The following KIAA1671 variants were observed in gnomAD, a reference collection of about 807,000 sequenced individuals.
The protein encoded by KIAA1671 is KIAA1671, also known as uncharacterized protein KIAA1671.
Under a neutral mutation model 131.2 loss-of-function variants are expected in KIAA1671, and 52 were observed. That is an observed-to-expected ratio of 0.40 (90% CI 0.32 to 0.50). KIAA1671 has a LOEUF of 0.50. Ranked by LOEUF, KIAA1671 falls within the 20% of genes least tolerant of loss-of-function variation. KIAA1671 has a pLI of 0.73. For synonymous variants in KIAA1671, 1,003 were observed against 961.6 expected, an observed-to-expected ratio of 1.04 and a Z score of -0.80; for missense variants, 2,360 against 2,364.2, an observed-to-expected ratio of 1.00 and a Z score of 0.04.
intron 6 of KIAA1671, among the ~76,000 whole-genome samples, chr22:25,116,438 T>C (rs1472751278): frequency 2.7e-5 from 4 of 146,098 alleles, no homozygotes; most frequent in African/African-American, 1.1e-4. Context: ...TATGTACGTA[T>C]TGAGATGGAG....
intron 9 of KIAA1671, chr22:25,179,240 A>T: frequency 6.8e-7 from 1 of 1,470,364 alleles, no homozygotes; most frequent in Non-Finnish European, 9.3e-7. Flanking sequence ...ATCTAGACAG[A>T]GGTGAACGAA....
At chr22:24,988,839 T>C (rs1468954844) in intron 1 of KIAA1671, among the ~76,000 whole-genome samples, 1 of 152,070 alleles carries the variant, frequency 6.6e-6, no homozygotes, top group African/African-American at 2.4e-5. Context: ...AGGGAGCTAC[T>C]GAACACCAGG....
intron 6 of KIAA1671, among the ~76,000 whole-genome samples, chr22:25,065,657 T>C (rs1247583468): frequency 1.3e-5 from 2 of 151,698 alleles, no homozygotes; most frequent in Non-Finnish European, 2.9e-5. Context: ...ATTTTTTTTT[T>C]TTTGAGACAG....
At chr22:24,982,316 T>C (rs1251142498) in intron 1 of KIAA1671, among the ~76,000 whole-genome samples, 1 of 152,196 alleles carries the variant, frequency 6.6e-6, no homozygotes, top group African/African-American at 2.4e-5. Flanking sequence ...CACTGCAGGT[T>C]TTTGGGCTAG....
chr22:25,139,353 G>A (rs1018815577), intron 6 of KIAA1671, among the ~76,000 whole-genome samples: 1 of 152,208 alleles, frequency 6.6e-6, no homozygotes, highest in Non-Finnish European at 1.5e-5. Flanking sequence ...TTACAGAGGA[G>A]GCCTCAGGAA....
chr22:25,126,141 T>G (rs968238157), intron 6 of KIAA1671, among the ~76,000 whole-genome samples: 1 of 152,202 alleles, frequency 6.6e-6, no homozygotes, highest in African/African-American at 2.4e-5. Flanking sequence ...TTGGAAGTAC[T>G]CTTCACGGTC....
At chr22:25,172,229 C>T (rs79230249) in intron 7 of KIAA1671, among the ~76,000 whole-genome samples, 1 of 152,278 alleles carries the variant, frequency 6.6e-6, no homozygotes, top group African/African-American at 2.4e-5. Context: ...TCGGGGTCTC[C>T]ATTCCCCAGT....
At chr22:25,000,184 G>GTTTTTTT (rs1184771280) in intron 1 of KIAA1671, among the ~76,000 whole-genome samples, 1 of 62,158 alleles carries the variant, frequency 1.6e-5, no homozygotes, top group Non-Finnish European at 2.7e-5. Flanking sequence ...CTCCTCGCCT[G>GTTTTTTT]TTTTTTTTTT....
At chr22:25,046,697 A>G (rs894814243) in intron 5 of KIAA1671, among the ~76,000 whole-genome samples, 90 of 152,160 alleles carry the variant, frequency 5.9e-4, no homozygotes, top group African/African-American at 2.1e-3. Flanking sequence ...ATACAAGCAC[A>G]TAGAAATACA....
intron 1 of KIAA1671, among the ~76,000 whole-genome samples, chr22:25,020,022 C>T (rs2123889566): frequency 6.6e-6 from 1 of 152,234 alleles, no homozygotes; most frequent in South Asian, 2.1e-4. Flanking sequence ...CATCTTTGTG[C>T]ATATAACTTT....
At chr22:25,075,587 G>T (rs1322471267) in intron 6 of KIAA1671, among the ~76,000 whole-genome samples, 1 of 151,672 alleles carries the variant, frequency 6.6e-6, no homozygotes, top group Non-Finnish European at 1.5e-5. Context: ...TGCCTCCTGG[G>T]TTCAAGCGAT....
Position 25,028,067 on chromosome 22 carries a change from G to A in KIAA1671, c.68G>A (p.Gly23Asp), listed in dbSNP as rs1428528538. 6.5e-7 allele frequency: 1 copy of A among 1,549,672 alleles called. No homozygotes were observed. Among genetic ancestry groups the A allele is most frequent in the South Asian group, 1.2e-5 (1 of 83,836 alleles). ...GCCGTGCCAGGCCTGGGTGAGATGG[G>A]CAAGGAGGAGACCCTGACGAGGACC... The part of the protein sequence containing the change: ...LTAVPGLGEM[G>D]KEETLTRTYF... The change falls in exon 3 of 13, where the codon GGC becomes GAC. Residue 23 changes from glycine to aspartate, a missense_variant. This residue lies in a region of KIAA1671 where 1,185 missense variants were observed against 1,126.2 expected (regional missense o/e 1.05). Transcript: ENST00000358431.
At position 25,039,381 on chromosome 22, in the gene KIAA1671, G is replaced by C; in HGVS notation, c.2251G>C (p.Ala751Pro). 1 of 1,551,830 alleles carries C rather than the reference G, an allele frequency of 6.4e-7. No individual in the cohort carries two copies. Among genetic ancestry groups the C allele is most frequent in the Non-Finnish European group, 8.7e-7 (1 of 1,147,034 alleles). ...TGTGCACAGCGAGGCCATCTCACCG[G>C]CACCGGAGGAGAAAGCGGTCACGCT... is the stretch of plus-strand genomic sequence containing the variant. ...ERVHSEAISP[A>P]PEEKAVTLRS... The change falls in exon 5 of 13, where the codon GCA becomes CCA. Residue 751 changes from alanine (A) to proline (P), a missense_variant. By Grantham distance (27) the Ala-to-Pro change is conservative. This residue lies in a region of KIAA1671 where 1,185 missense variants were observed against 1,126.2 expected (regional missense o/e 1.05). Transcript: ENST00000358431.
chr22:25,046,111 G>A (rs1927211179), intron 5 of KIAA1671, among the ~76,000 whole-genome samples: 1 of 151,964 alleles, frequency 6.6e-6, no homozygotes, highest in Non-Finnish European at 1.5e-5. Context: ...AGACCAGCCT[G>A]GCCAACATGG....
intron 6 of KIAA1671, among the ~76,000 whole-genome samples, chr22:25,130,089 T>A (rs796128335): frequency 3.9e-5 from 6 of 152,178 alleles, no homozygotes; most frequent in African/African-American, 1.4e-4. Flanking sequence ...AAAATTTTTT[T>A]AAATAAATAA....
chr22:25,158,927 T>C (rs1933340438), intron 6 of KIAA1671, among the ~76,000 whole-genome samples: 1 of 152,216 alleles, frequency 6.6e-6, no homozygotes, highest in African/African-American at 2.4e-5. Flanking sequence ...GAATTAAACT[T>C]GATGGTCTAC....
At chr22:25,037,372 A>G (rs1005859662) in intron 4 of KIAA1671, among the ~76,000 whole-genome samples, 24 of 136,670 alleles carry the variant, frequency 1.8e-4, no homozygotes, top group African/African-American at 7.3e-4. Flanking sequence ...ATGTGTATAT[A>G]TGTATATATG....
At chr22:24,983,478 A>T (rs1923335835) in intron 1 of KIAA1671, among the ~76,000 whole-genome samples, 1 of 151,804 alleles carries the variant, frequency 6.6e-6, no homozygotes, top group African/African-American at 2.4e-5. Flanking sequence ...TTACATCTAC[A>T]AGGACCCTAT....
intron 6 of KIAA1671, chr22:25,112,391 T>A (rs374266095): frequency 2.5e-6 from 1 of 399,084 alleles, no homozygotes. Flanking sequence ...CTTCCGCCGC[T>A]TCTCTGCTCG....
Sources: allele counts gnomAD v4.1 joint callset (sites outside exome capture counted in the v4.1 genomes callset), GRCh38; gene constraint gnomAD v4.1.1; regional missense constraint gnomAD v4.1.1; transcripts MANE v1.5; gene names NCBI Gene and HGNC (gene_info 2026-07-23, HGNC 2026-07-21).